HLCS: variants seen among roughly 807,000 people sequenced by gnomAD.
The protein encoded by HLCS is holocarboxylase synthetase.
In HLCS, 53 loss-of-function variants were observed where a neutral mutation model predicts 75.0. The ratio of observed to expected loss-of-function variants is 0.71; its 90% CI spans 0.57 to 0.89. HLCS has a LOEUF of 0.89. HLCS is among the 40% of genes least tolerant of loss of function. The pLI is 0.00. For synonymous variants in HLCS, 431 were observed against 428.6 expected, an observed-to-expected ratio of 1.01 and a Z score of -0.07; for missense variants, 966 against 1,074.0, an observed-to-expected ratio of 0.90 and a Z score of 1.41.
chr21:36,861,283 C>G (rs2063373625), intron 6 of HLCS, among the ~76,000 whole-genome samples: 1 of 152,158 alleles, frequency 6.6e-6, no homozygotes, highest in South Asian at 2.1e-4. Flanking sequence ...GCCCTTTGCC[C>G]AGGTAACGTC....
At chr21:36,755,470 T>A (rs534654652) in intron 10 of HLCS, among the ~76,000 whole-genome samples, 5 of 152,272 alleles carry the variant, frequency 3.3e-5, no homozygotes, top group Admixed American at 3.3e-4. Context: ...GCTTAAATAC[T>A]TTATCTCCTG....
chr21:36,904,581 C>G (rs1292654983), intron 5 of HLCS, among the ~76,000 whole-genome samples: 14 of 152,162 alleles, frequency 9.2e-5, no homozygotes, highest in Admixed American at 8.5e-4. Context: ...TTTATATTCA[C>G]TATAGTCAAA....
At chr21:36,874,732 C>T (rs921768936) in intron 6 of HLCS, among the ~76,000 whole-genome samples, 1 of 152,198 alleles carries the variant, frequency 6.6e-6, no homozygotes, top group African/African-American at 2.4e-5. Flanking sequence ...CTGCTGCACT[C>T]CATGGAGCTA....
intron 6 of HLCS, among the ~76,000 whole-genome samples, chr21:36,878,693 G>GA (rs2064081943): frequency 6.6e-6 from 1 of 152,026 alleles, no homozygotes; most frequent in Non-Finnish European, 1.5e-5. Flanking sequence ...TCATCTCATT[G>GA]AAAAAATAAA....
At chr21:36,869,550 T>C (rs1263176476) in intron 6 of HLCS, among the ~76,000 whole-genome samples, 1 of 152,252 alleles carries the variant, frequency 6.6e-6, no homozygotes. Flanking sequence ...CTGCATTTCA[T>C]ACTTTCAAAA....
At chr21:36,860,839 C>A (rs2063359264) in intron 6 of HLCS, among the ~76,000 whole-genome samples, 1 of 152,200 alleles carries the variant, frequency 6.6e-6, no homozygotes, top group African/African-American at 2.4e-5. Context: ...TTTGGCCAGG[C>A]AGTTTCTCCA....
At chr21:36,977,615 A>G (rs1053782476) in intron 1 of HLCS, among the ~76,000 whole-genome samples, 2 of 152,236 alleles carry the variant, frequency 1.3e-5, no homozygotes, top group African/African-American at 2.4e-5. Context: ...CAGCAGCCCA[A>G]TATTGAGCCT....
intron 6 of HLCS, among the ~76,000 whole-genome samples, chr21:36,818,971 G>A (rs2061744164): frequency 6.6e-6 from 1 of 152,106 alleles, no homozygotes; most frequent in African/African-American, 2.4e-5. Flanking sequence ...ATGGCTGGAT[G>A]GCCCTCAAGA....
rs371127235 is a variant in HLCS, at chr21:36,938,936, C to A, written c.389G>T (p.Arg130Leu). The change falls in exon 3 of 11, where the codon CGG becomes CTG. Residue 130 changes from arginine to leucine, a missense_variant. Arg to Leu is a moderately radical substitution (Grantham distance 102). Transcript: ENST00000674895. Reference protein sequence around the residue: ...PLACRPGDPYRLIAEASVDNF... With the variant: ...PLACRPGDPYLLIAEASVDNF... ...GTCCACACTTGCTTCAGCAATTAGC[C>A]GATAAGGATCCCCAGGTCTGCAAGC... 12 of 1,613,376 alleles carry A rather than the reference C, an allele frequency of 7.4e-6. No individual in the cohort carries two copies.
In HLCS at chr21:36,756,617, T is replaced by G. The variant is rs558119330; in HGVS notation, c.2375A>C (p.Glu792Ala). Residue 792 changes from glutamate to alanine, a missense_variant, in exon 10 of 11, where the codon GAG (glutamate) becomes GCG (alanine). By Grantham distance (107) the Glu-to-Ala change is moderately radical. Coordinates refer to ENST00000674895, the MANE Select transcript of HLCS (RefSeq NM_001352514.2). ...YLIARVVTVL[E>A]KLIKEFQDKG... ...GTCCTGAAACTCTTTGATCAGTTTCTCCAGCACAGTCACGACTCTGGCGAT... is the reference window on the plus strand; with the variant it reads ...GTCCTGAAACTCTTTGATCAGTTTCGCCAGCACAGTCACGACTCTGGCGAT... The G allele has an allele frequency of 6.2e-7, 1 of 1,614,158 alleles. No individual in the cohort carries two copies. The highest frequency in any genetic ancestry group is 1.3e-5 in the African/African-American group (1 of 75,022).
Position 36,749,897 on chromosome 21 carries a change from A to G in HLCS, c.*4349T>C, listed in dbSNP as rs2089315517. The G allele has an allele frequency of 6.6e-6, 1 of 152,236 alleles. No homozygotes were observed. The highest frequency in any genetic ancestry group is 1.5e-5 in the Non-Finnish European group (1 of 68,042). 9.4% of individuals were successfully genotyped at this position (152,236 alleles called of 1,614,324 possible). On this transcript the variant is annotated 3_prime_UTR_variant, in exon 11 of 11. Transcript: ENST00000674895. ...ACAAAGGTTACTGTTGAGAAAAAAG[A>G]CCCTATCATAGATTTACAAGTGACA...
At position 36,848,265 on chromosome 21, in the gene HLCS, A is replaced by G. The variant is rs892620691; in HGVS notation, c.1892+48595T>C. Among the ~76,000 whole-genome samples the G allele has an allele frequency of 4.2e-5, 6 of 143,632 alleles. No individual in the cohort carries two copies. The East Asian group carries it at 1.2e-3, about 28-fold the overall frequency. The allele number at this position is 143,632 out of a possible 152,430, so 94.2% of individuals were successfully genotyped here. ...TTTTCTCCATAACTTTGCCCACATAATTGTTGTTTTTTTTTTTTTTTTGAA... is the reference window on the plus strand; with the variant it reads ...TTTTCTCCATAACTTTGCCCACATAGTTGTTGTTTTTTTTTTTTTTTTGAA... On this transcript the variant is annotated intron_variant, in intron 6 of 10. Transcript: ENST00000674895.
chr21:36,962,267 C>A, intron 1 of HLCS, 97 bp from the exon 2 acceptor site: 1 of 801,142 alleles, frequency 1.2e-6, no homozygotes, highest in Non-Finnish European at 1.8e-6. Flanking sequence ...CCTATAATTC[C>A]AAGTGACATG....
intron 1 of HLCS, among the ~76,000 whole-genome samples, chr21:36,983,831 C>T (rs1422426741): frequency 1.3e-5 from 2 of 149,146 alleles, no homozygotes; most frequent in African/African-American, 2.5e-5. Context: ...AGAGAGACTC[C>T]GTCTCAAAAA....
intron 2 of HLCS, among the ~76,000 whole-genome samples, chr21:36,941,438 T>A (rs2067137663): frequency 6.6e-6 from 1 of 152,202 alleles, no homozygotes; most frequent in South Asian, 2.1e-4. Flanking sequence ...CTAACACATA[T>A]AGACCAAGAG....
chr21:36,958,443 G>A (rs2068094202), intron 2 of HLCS, among the ~76,000 whole-genome samples: 1 of 152,176 alleles, frequency 6.6e-6, no homozygotes, highest in South Asian at 2.1e-4. Flanking sequence ...CTAGTTACTA[G>A]AAAGGATAGA....
chr21:36,916,620 C>T (rs564516346), intron 5 of HLCS, among the ~76,000 whole-genome samples: 6 of 151,448 alleles, frequency 4.0e-5, no homozygotes, highest in African/African-American at 1.5e-4. Flanking sequence ...GATCCTCCCA[C>T]CTCAGCCTCC....
intron 2 of HLCS, among the ~76,000 whole-genome samples, chr21:36,944,622 T>C (rs972186795): frequency 6.6e-6 from 1 of 152,192 alleles, no homozygotes; most frequent in African/African-American, 2.4e-5. Context: ...TTAATTGTTG[T>C]TGTTGTTCCA....
chr21:36,782,967 ACT>A (rs2060578832), intron 6 of HLCS, among the ~76,000 whole-genome samples: 1 of 152,218 alleles, frequency 6.6e-6, no homozygotes, highest in Non-Finnish European at 1.5e-5. Context: ...ACAGAGTGAG[ACT>A]CTGTCTCCGA....
Sources: gnomAD v4.1 joint callset for allele counts (sites outside exome capture counted in the v4.1 genomes callset) on GRCh38, gnomAD v4.1.1 for gene constraint, MANE v1.5 for transcripts, NCBI Gene and HGNC (gene_info 2026-07-23, HGNC 2026-07-21) for gene names.